RTN4R: variants seen among roughly 807,000 people sequenced by gnomAD.
RTN4R encodes the protein reticulon 4 receptor, also known as reticulon-4 receptor.
In RTN4R, 4 loss-of-function variants were observed where a neutral mutation model predicts 27.7. The observed-to-expected ratio is 0.14, with a 90% CI of 0.07 to 0.33. The LOEUF (loss-of-function observed/expected upper bound fraction) is 0.33, where lower values mean the gene tolerates loss of function less well. Ranked by LOEUF, RTN4R falls within the 10% of genes least tolerant of loss-of-function variation. The pLI, the probability that RTN4R is intolerant of heterozygous loss-of-function variation, is 1.00. For missense variants in RTN4R, 554 were observed against 671.5 expected, an observed-to-expected ratio of 0.83 and a Z score of 1.93; for synonymous variants, 290 against 305.6, an observed-to-expected ratio of 0.95 and a Z score of 0.53.
intron 1 of RTN4R, 37 bp downstream of exon 1, chr22:20,268,034 G>A (rs1819028437): frequency 5.2e-6 from 6 of 1,148,476 alleles, no homozygotes; most frequent in East Asian, 4.1e-5. Flanking sequence ...TCCGCGCCCC[G>A]CCGCCGGCCG....
chr22:20,241,962 C>A lies in RTN4R; in HGVS notation c.1171G>T (p.Ala391Ser). 1 of 1,609,166 alleles carries A rather than the reference C, an allele frequency of 6.2e-7. No individual in the cohort carries two copies. Residue 391 changes from alanine to serine, a missense_variant, in exon 2 of 2, where the codon GCT becomes TCT. Around this residue, in one of 2 missense-constraint regions of RTN4R, gnomAD observed 141 missense variants for 129.2 expected, o/e 1.09. Transcript: ENST00000043402. Reference sequence around the variant, plus strand: ...CGCACTGCAGTGAGCGGGGGCTCAGCAGAGCCAGGCAGAGTCCCAAAGGGT... The same window carrying A: ...CGCACTGCAGTGAGCGGGGGCTCAGAAGAGCCAGGCAGAGTCCCAAAGGGT... ...DSPFGTLPGS[A>S]EPPLTAVRPE...
chr22:20,268,004 G>T, intron 1 of RTN4R, 67 bp downstream of exon 1: 1 of 960,804 alleles, frequency 1.0e-6, no homozygotes, highest in Non-Finnish European at 1.3e-6. Context: ...CGGCTCCGGG[G>T]AGGGGGCGAG....
At chr22:20,265,090 C>T (rs1373140849) in intron 1 of RTN4R, among the ~76,000 whole-genome samples, 1 of 152,220 alleles carries the variant, frequency 6.6e-6, no homozygotes, top group African/African-American at 2.4e-5. Flanking sequence ...GCTCCTCTGC[C>T]TCCCGCCCGT....
At chr22:20,263,899 C>A (rs1443936950) in intron 1 of RTN4R, among the ~76,000 whole-genome samples, 1 of 152,286 alleles carries the variant, frequency 6.6e-6, no homozygotes, top group Non-Finnish European at 1.5e-5. Flanking sequence ...CCATAGCAGG[C>A]AAGACCAGAG....
At chr22:20,249,041 C>A (rs1024457711) in intron 1 of RTN4R, 1 of 499,010 alleles carries the variant, frequency 2.0e-6, no homozygotes, top group East Asian at 5.7e-5. Flanking sequence ...ACAGCCAGTG[C>A]CCCCTTGCCC....
chr22:20,247,309 CCA>C (rs1255670846), intron 1 of RTN4R, among the ~76,000 whole-genome samples: 2 of 152,138 alleles, frequency 1.3e-5, no homozygotes, highest in Non-Finnish European at 2.9e-5. Context: ...ACGTCACAGA[CCA>C]CAGTTATGAG....
intron 1 of RTN4R, among the ~76,000 whole-genome samples, chr22:20,245,021 G>A (rs1466126115): frequency 3.3e-5 from 5 of 152,220 alleles, no homozygotes; most frequent in African/African-American, 9.6e-5. Context: ...GAGTCTGGCT[G>A]TGGTCAGGGC....
At chr22:20,248,524 C>T (rs1008852147) in intron 1 of RTN4R, among the ~76,000 whole-genome samples, 4 of 152,244 alleles carry the variant, frequency 2.6e-5, no homozygotes, top group Non-Finnish European at 5.9e-5. Flanking sequence ...ACGTGGGCCA[C>T]ACCGTGCAGG....
chr22:20,253,079 G>A (rs2145979265), intron 1 of RTN4R, among the ~76,000 whole-genome samples: 1 of 152,318 alleles, frequency 6.6e-6, no homozygotes, highest in East Asian at 1.9e-4. Flanking sequence ...CAGCGGTCTT[G>A]CAAGGCCACT....
chr22:20,263,510 C>T (rs1049100770), intron 1 of RTN4R, among the ~76,000 whole-genome samples: 3 of 152,262 alleles, frequency 2.0e-5, no homozygotes, highest in South Asian at 4.1e-4. Context: ...GACCGTGACC[C>T]GTGACAGCCA....
At chr22:20,267,681 C>A (rs532309059) in intron 1 of RTN4R, 10 of 464,242 alleles carry the variant, frequency 2.2e-5, no homozygotes, top group Middle Eastern at 6.5e-4. Flanking sequence ...CCCACCCACC[C>A]TCGGTACCCA....
In RTN4R at chr22:20,241,510, G is replaced by T; in HGVS notation, c.*201C>A. The T allele has an allele frequency of 1.7e-6, 1 of 604,762 alleles. No homozygotes were observed. The highest frequency in any genetic ancestry group is 2.9e-6 in the Non-Finnish European group (1 of 340,640). 37.5% of individuals were successfully genotyped at this position (604,762 alleles called of 1,614,324 possible). A position where few individuals can be genotyped will look rare whatever the true frequency, so the allele number is the denominator to read the frequency against. On this transcript the variant is annotated 3_prime_UTR_variant, in exon 2 of 2. Coordinates refer to ENST00000043402, the MANE Select transcript of RTN4R (RefSeq NM_023004.6). ...TATACCGCGATCTGGGTGGGAGGCGGCGTTCTGGAACAAACGCTGCCGCCG... is the reference window on the plus strand; with the variant it reads ...TATACCGCGATCTGGGTGGGAGGCGTCGTTCTGGAACAAACGCTGCCGCCG...
chr22:20,244,659 ACT>A (rs1380557591), intron 1 of RTN4R, among the ~76,000 whole-genome samples: 4 of 151,044 alleles, frequency 2.6e-5, no homozygotes, highest in African/African-American at 9.7e-5. Flanking sequence ...CTTTCTACAC[ACT>A]CTTCCTAGGA....
intron 1 of RTN4R, among the ~76,000 whole-genome samples, chr22:20,265,022 G>A (rs918339674): frequency 1.3e-5 from 2 of 152,226 alleles, no homozygotes; most frequent in African/African-American, 4.8e-5. Context: ...TTTCCCAGGT[G>A]CACAGACCAA....
chr22:20,249,639 C>T (rs960827534), intron 1 of RTN4R, among the ~76,000 whole-genome samples: 1 of 152,170 alleles, frequency 6.6e-6, no homozygotes, highest in Non-Finnish European at 1.5e-5. Flanking sequence ...AGGGCTCAGG[C>T]AGAGTCCACT....
At chr22:20,266,012 C>T (rs967144360) in intron 1 of RTN4R, among the ~76,000 whole-genome samples, 3 of 152,248 alleles carry the variant, frequency 2.0e-5, no homozygotes, top group African/African-American at 2.4e-5. Context: ...GGTTCTGCCA[C>T]GGCAGGCCCT....
intron 1 of RTN4R, among the ~76,000 whole-genome samples, chr22:20,249,938 G>T (rs1488062833): frequency 6.6e-6 from 1 of 152,202 alleles, no homozygotes; most frequent in Non-Finnish European, 1.5e-5. Context: ...GGCTCCCATT[G>T]GAGCCATCCC....
chr22:20,260,058 CA>C (rs553867509), intron 1 of RTN4R, among the ~76,000 whole-genome samples: 95 of 152,244 alleles, frequency 6.2e-4, no homozygotes, highest in African/African-American at 2.2e-3. Flanking sequence ...GGACCCTCCC[CA>C]GGGGACACTT....
intron 1 of RTN4R, among the ~76,000 whole-genome samples, 154 bp downstream of exon 1, chr22:20,267,917 C>A (rs1259299309): frequency 6.6e-6 from 1 of 151,952 alleles, no homozygotes; most frequent in Non-Finnish European, 1.5e-5. Flanking sequence ...GCGGCCCCAG[C>A]CTGGCGCGGC....
Sources: allele counts gnomAD v4.1 joint callset (sites outside exome capture counted in the v4.1 genomes callset), GRCh38; gene constraint gnomAD v4.1.1; regional missense constraint gnomAD v4.1.1; transcripts MANE v1.5; gene names NCBI Gene and HGNC (gene_info 2026-07-23, HGNC 2026-07-21).